The following TRPM3 variants were observed in gnomAD, a reference collection of about 807,000 sequenced individuals.
TRPM3 encodes long transient receptor potential channel 3.
Under a neutral mutation model 181.2 loss-of-function variants are expected in TRPM3, and 77 were observed. The ratio of observed to expected loss-of-function variants is 0.42; its 90% CI spans 0.35 to 0.51. The LOEUF is 0.51. Ranked by LOEUF, TRPM3 falls within the 20% of genes least tolerant of loss-of-function variation. The pLI, the probability that TRPM3 is intolerant of heterozygous loss-of-function variation, is 0.01. For synonymous variants in TRPM3, 745 were observed against 796.4 expected (o/e 0.94, Z 1.09); for missense variants, 1,759 against 2,196.7 (o/e 0.80, Z 3.98).
intron 1 of TRPM3, among the ~76,000 whole-genome samples, chr9:70,923,801 A>ACT (rs1190789098): frequency 7.5e-6 from 1 of 133,092 alleles, no homozygotes; most frequent in African/African-American, 2.9e-5. Flanking sequence ...ACACACACAC[A>ACT]CACTCTCTCT....
chr9:70,942,267 A>C (rs941485889), intron 1 of TRPM3, among the ~76,000 whole-genome samples: 1 of 152,224 alleles, frequency 6.6e-6, no homozygotes, highest in Non-Finnish European at 1.5e-5. Context: ...ACAGTTAGGT[A>C]TGTACATACA....
chr9:71,137,792 C>T (rs1221029966), intron 1 of TRPM3, among the ~76,000 whole-genome samples: 3 of 152,102 alleles, frequency 2.0e-5, no homozygotes, highest in African/African-American at 7.2e-5. Context: ...ATTATTTTAA[C>T]AGTTGAAAAT....
At chr9:70,994,108 T>TGGAATGTAA (rs1564924183) in intron 1 of TRPM3, among the ~76,000 whole-genome samples, 1 of 152,194 alleles carries the variant, frequency 6.6e-6, no homozygotes, top group African/African-American at 2.4e-5. Flanking sequence ...AGAACGTATT[T>TGGAATGTAA]GGAATGTAAA....
intron 1 of TRPM3, among the ~76,000 whole-genome samples, chr9:70,913,383 T>C (rs1356656547): frequency 6.6e-6 from 1 of 152,200 alleles, no homozygotes; most frequent in Admixed American, 6.5e-5. Flanking sequence ...CTCTTTTTCA[T>C]TGCATTGGCC....
intron 1 of TRPM3, among the ~76,000 whole-genome samples, chr9:71,295,608 T>C (rs4745080): frequency 0.2 from 31,009 of 151,630 alleles, 3,353 homozygotes; most frequent in African/African-American, 0.25. Flanking sequence ...GGCAGGAGGA[T>C]AGCTTGAGCC....
At chr9:70,769,812 T>G (rs962356267) in intron 7 of TRPM3, among the ~76,000 whole-genome samples, 2 of 152,140 alleles carry the variant, frequency 1.3e-5, no homozygotes, top group Non-Finnish European at 2.9e-5. Context: ...TTCTTTATTC[T>G]GCATGTGCCT....
At chr9:71,186,615 C>T (rs927807808) in intron 1 of TRPM3, among the ~76,000 whole-genome samples, 9 of 151,830 alleles carry the variant, frequency 5.9e-5, no homozygotes, top group Non-Finnish European at 1.2e-4. Flanking sequence ...ATGTGGTCAG[C>T]CCAGACCAAG....
intron 19 of TRPM3, among the ~76,000 whole-genome samples, chr9:70,607,376 T>G (rs1198933299): frequency 1.3e-5 from 2 of 152,198 alleles, no homozygotes; most frequent in Non-Finnish European, 2.9e-5. Context: ...ATACCTTATT[T>G]CCAGTCACTT....
intron 1 of TRPM3, among the ~76,000 whole-genome samples, chr9:71,383,962 A>T (rs1229832963): frequency 6.6e-6 from 1 of 152,222 alleles, no homozygotes; most frequent in African/African-American, 2.4e-5. Flanking sequence ...GAAACACACC[A>T]ACAAGAAAAA....
intron 9 of TRPM3, among the ~76,000 whole-genome samples, chr9:70,673,040 A>G (rs2063288293): frequency 6.6e-6 from 1 of 152,182 alleles, no homozygotes; most frequent in Admixed American, 6.5e-5. Flanking sequence ...CAATGTAAAG[A>G]AAAGTGGGTA....
chr9:71,350,197 T>C (rs1463734223), intron 1 of TRPM3, among the ~76,000 whole-genome samples: 1 of 152,104 alleles, frequency 6.6e-6, no homozygotes, highest in African/African-American at 2.4e-5. Flanking sequence ...TATCTCACAG[T>C]CTATGAAAAG....
rs143643592 is a variant in TRPM3, at chr9:71,266,683, G to A, written c.183+179970C>T. ...TGTGTATAATACAGTATTGTTGACT[G>A]TAGGCACAATGGTGTACAGCAGATC... On this transcript the variant is annotated intron_variant, in intron 1 of 24. Transcript: ENST00000357533. 3.3e-5 allele frequency among the ~76,000 whole-genome samples: 5 copies of A among 152,238 alleles called. No homozygotes were observed. The East Asian group carries it at 9.7e-4, about 29-fold the overall frequency.
intron 25 of TRPM3, among the ~76,000 whole-genome samples, chr9:70,538,615 AC>A (rs534293789): frequency 3.7e-4 from 54 of 146,654 alleles, no homozygotes; most frequent in Middle Eastern, 4.0e-3. Flanking sequence ...TTTTGTAGAG[AC>A]AGGGGCTTGC....
At chr9:70,741,121 C>T (rs1266815941) in intron 8 of TRPM3, among the ~76,000 whole-genome samples, 1 of 152,044 alleles carries the variant, frequency 6.6e-6, no homozygotes, top group African/African-American at 2.4e-5. Flanking sequence ...AAGGAAAAAA[C>T]AAACAATCCC....
intron 1 of TRPM3, among the ~76,000 whole-genome samples, chr9:71,279,034 T>G (rs2084450491): frequency 2.1e-5 from 1 of 47,490 alleles, no homozygotes; most frequent in South Asian, 5.8e-4. Context: ...CCTGCTTAGG[T>G]TAAAAAAAAT....
At position 71,053,356 on chromosome 9, in the gene TRPM3, T is replaced by A. The variant is rs573800336; in HGVS notation, c.177+67822A>T. Among the ~76,000 whole-genome samples the A allele has an allele frequency of 6.6e-5, 10 of 152,132 alleles. No homozygotes were observed. The South Asian group carries it at 2.1e-3, about 31-fold the overall frequency. ...CCAGCACCTTCTTAAAAGTGCCTCTTGTGTTATTTCAGCTCCATGCAGATT... is the reference window on the plus strand; with the variant it reads ...CCAGCACCTTCTTAAAAGTGCCTCTAGTGTTATTTCAGCTCCATGCAGATT... On this transcript the variant is annotated intron_variant, in intron 1 of 25. Transcript: ENST00000677713.
At chr9:70,597,607 T>G (rs1321279617) in intron 21 of TRPM3, among the ~76,000 whole-genome samples, 1 of 152,136 alleles carries the variant, frequency 6.6e-6, no homozygotes, top group Non-Finnish European at 1.5e-5. Context: ...TAGGGTTCAG[T>G]CTCTACGGAA....
At chr9:71,034,997 T>C (rs902526315) in intron 1 of TRPM3, among the ~76,000 whole-genome samples, 1 of 152,132 alleles carries the variant, frequency 6.6e-6, no homozygotes, top group African/African-American at 2.4e-5. Flanking sequence ...CTTAACACTG[T>C]TTCCTCGAGC....
At chr9:70,907,878 T>C (rs3010445) in intron 1 of TRPM3, among the ~76,000 whole-genome samples, 64,927 of 152,082 alleles carry the variant, frequency 0.43, 14,313 homozygotes, top group Non-Finnish European at 0.47. Context: ...CTGCAAAAGG[T>C]ATGATTTCAT....
Sources: gnomAD v4.1 joint callset for allele counts (sites outside exome capture counted in the v4.1 genomes callset) on GRCh38, gnomAD v4.1.1 for gene constraint, MANE v1.5 for transcripts, NCBI Gene and HGNC (gene_info 2026-07-23, HGNC 2026-07-21) for gene names.